CFAP47: variants seen among roughly 807,000 people sequenced by gnomAD.
CFAP47 encodes cilia and flagella associated protein 47, also known as cilia- and flagella-associated protein 47.
In CFAP47, 29 loss-of-function variants were observed where a neutral mutation model predicts 148.1. The observed-to-expected ratio is 0.20, with a 90% CI of 0.15 to 0.27. CFAP47 has a LOEUF of 0.27. Among genes scored for constraint, CFAP47 ranks in the 10% least tolerant of loss-of-function variants. The pLI is 1.00. For synonymous variants in CFAP47, 664 were observed against 577.3 expected (o/e 1.15, Z -2.15); for missense variants, 1,872 against 1,697.5 (o/e 1.10, Z -1.81).
At chrX:36,145,061 T>TTA (rs146920213) in intron 35 of CFAP47, 158 bp from the exon 36 acceptor site, 850 of 353,725 alleles carry the variant, frequency 2.4e-3, no homozygotes, top group Middle Eastern at 6.8e-3. Flanking sequence ...AAATTCCCGT[T>TTA]TATATATATA....
At chrX:36,024,400 T>C (rs1481605372) in intron 22 of CFAP47, among the ~76,000 whole-genome samples, 2 of 111,363 alleles carry the variant, frequency 1.8e-5, no homozygotes, top group South Asian at 7.6e-4. Flanking sequence ...CTCTGCAGCC[T>C]TGAGTTAGAG....
chrX:36,385,133 A>G lies in CFAP47; in HGVS notation c.*127A>G. The G allele has an allele frequency of 2.1e-6, 1 of 474,111 alleles. No homozygotes were observed. Among genetic ancestry groups the G allele is most frequent in the Admixed American group, 4.1e-5 (1 of 24,687 alleles). 39.1% of individuals were successfully genotyped at this position (474,111 alleles called of 1,213,427 possible). On this transcript the variant is annotated 3_prime_UTR_variant, in exon 64 of 64. Coordinates refer to ENST00000378653, the MANE Select transcript of CFAP47 (RefSeq NM_001304548.2). ...CCTTCTATATTTCCTTGTCTTTTAA[A>G]ATTCAATCTGTTCTCTGAATATATT...
At chrX:36,028,656 A>G (rs1021510698) in intron 22 of CFAP47, among the ~76,000 whole-genome samples, 1 of 111,033 alleles carries the variant, frequency 9.0e-6, no homozygotes, top group Non-Finnish European at 1.9e-5. Flanking sequence ...CCTCAGCTAG[A>G]TTATTGTTTG....
At position 35,975,262 on chromosome X, in the gene CFAP47, A is replaced by G; in HGVS notation, c.2370A>G (p.Glu790=). 8.3e-7 allele frequency: 1 copy of G among 1,202,157 alleles called. No individual in the cohort carries two copies. The highest frequency in any genetic ancestry group is 1.1e-6 in the Non-Finnish European group (1 of 887,396). Residue 790 remains glutamate (E), a synonymous_variant, in exon 14 of 64, where the codon GAA becomes GAG. Transcript: ENST00000378653. ...HVLLQLDTDL[E]ELQKTNQFSY... ...TGCTCCAGTTAGATACTGATTTAGA[A>G]GAACTTCAGAAGACCAACCAATTTT...
At chrX:36,143,950 A>G (rs755656557) in intron 35 of CFAP47, among the ~76,000 whole-genome samples, 3 of 110,773 alleles carry the variant, frequency 2.7e-5, no homozygotes, top group South Asian at 7.6e-4. Context: ...GACCTCCACA[A>G]TGTAGCCTGG....
intron 33 of CFAP47, among the ~76,000 whole-genome samples, chrX:36,109,725 C>T (rs771429656): frequency 9.9e-5 from 11 of 111,644 alleles, no homozygotes; most frequent in Admixed American, 8.5e-4. Context: ...CCACCCACAT[C>T]GGCCTCCCAC....
intron 62 of CFAP47, among the ~76,000 whole-genome samples, chrX:36,369,805 A>G (rs1220631214): frequency 3.6e-5 from 4 of 111,785 alleles, no homozygotes; most frequent in African/African-American, 3.3e-5. Context: ...TTCAACAACA[A>G]TCACTCTAGT....
intron 8 of CFAP47, among the ~76,000 whole-genome samples, chrX:35,964,267 A>G (rs1936372288): frequency 9.0e-6 from 1 of 111,407 alleles, no homozygotes; most frequent in Non-Finnish European, 1.9e-5. Flanking sequence ...TTTTCCTTCA[A>G]TATTGGAACA....
chrX:36,035,991 A>T (rs1937333713), intron 24 of CFAP47, 137 bp downstream of exon 24: 1 of 240,810 alleles, frequency 4.2e-6, no homozygotes, highest in Non-Finnish European at 7.3e-6. Context: ...ATACAATTTT[A>T]TTAATCTCAT....
intron 30 of CFAP47, among the ~76,000 whole-genome samples, chrX:36,086,359 C>T (rs1355768938): frequency 9.0e-6 from 1 of 111,718 alleles, no homozygotes; most frequent in Admixed American, 9.6e-5. Flanking sequence ...TTATTACTCC[C>T]TCTTCCATGC....
chrX:36,044,004 A>C (rs750314972), intron 25 of CFAP47, among the ~76,000 whole-genome samples: 100 of 112,974 alleles, frequency 8.9e-4, no homozygotes, highest in Non-Finnish European at 1.7e-3. Flanking sequence ...TGCAGGCCCA[A>C]CACGATGTGG....
chrX:36,134,616 C>T (rs1007184283), intron 33 of CFAP47, among the ~76,000 whole-genome samples: 2 of 111,177 alleles, frequency 1.8e-5, no homozygotes, highest in African/African-American at 3.3e-5. Context: ...CCTCACATCT[C>T]GTACTAAAAT....
chrX:36,213,550 A>G (rs2041938340), intron 45 of CFAP47, among the ~76,000 whole-genome samples: 1 of 112,155 alleles, frequency 8.9e-6, no homozygotes, highest in South Asian at 3.7e-4. Flanking sequence ...CCACTTGCAC[A>G]GCATAATGCC....
intron 50 of CFAP47, among the ~76,000 whole-genome samples, chrX:36,281,288 T>A (rs1556003561): frequency 8.9e-6 from 1 of 112,489 alleles, no homozygotes; most frequent in African/African-American, 3.2e-5. Flanking sequence ...TTGAATGAAT[T>A]CGTATTAGAT....
At chrX:36,289,161 C>G (rs1941167560) in intron 51 of CFAP47, among the ~76,000 whole-genome samples, 1 of 108,817 alleles carries the variant, frequency 9.2e-6, no homozygotes, top group Admixed American at 9.8e-5. Flanking sequence ...CCATCATGGC[C>G]AGCTAATTTT....
At position 35,951,894 on chromosome X, in the gene CFAP47, C is replaced by A; in HGVS notation, c.977C>A (p.Ser326Tyr). 1 of 1,177,140 alleles carries A rather than the reference C, an allele frequency of 8.5e-7. No individual in the cohort carries two copies. Residue 326 changes from serine (S) to tyrosine (Y), a missense_variant, in exon 6 of 64, where the codon TCC becomes TAC. By Grantham distance (144) the Ser-to-Tyr change is moderately radical. Transcript: ENST00000378653. ...IKNIDTTIII[S>Y]CLPNEGTLQP... Reference sequence around the variant, plus strand: ...AACATAGATACTACTATCATTATCTCCTGTCTTCCTAATGAAGGGACTTTA... The same window carrying A: ...AACATAGATACTACTATCATTATCTACTGTCTTCCTAATGAAGGGACTTTA...
intron 37 of CFAP47, among the ~76,000 whole-genome samples, chrX:36,153,648 A>G (rs1241477823): frequency 8.9e-6 from 1 of 112,237 alleles, no homozygotes; most frequent in Non-Finnish European, 1.9e-5. Context: ...TCTCCAGGGT[A>G]CCCTTTGAAA....
At chrX:36,185,244 C>T (rs1466018107) in intron 40 of CFAP47, among the ~76,000 whole-genome samples, 1 of 110,145 alleles carries the variant, frequency 9.1e-6, no homozygotes, top group Non-Finnish European at 1.9e-5. Context: ...GGTGAGGGAG[C>T]TTTCTGGAGT....
chrX:36,050,757 G>A (rs1348693469), intron 26 of CFAP47, among the ~76,000 whole-genome samples: 1 of 111,725 alleles, frequency 9.0e-6, no homozygotes, highest in African/African-American at 3.3e-5. Flanking sequence ...ATGTCTCTAG[G>A]GCATGTCAGA....
Sources: allele counts gnomAD v4.1 joint callset (sites outside exome capture counted in the v4.1 genomes callset), GRCh38; gene constraint gnomAD v4.1.1; transcripts MANE v1.5; gene names NCBI Gene and HGNC (gene_info 2026-07-23, HGNC 2026-07-21).